TBC1D15: variants seen among roughly 807,000 people sequenced by gnomAD.
TBC1D15 encodes the protein GAP for RAB7.
TBC1D15 carries 39 observed loss-of-function variants against 95.4 expected under a neutral mutation model. That is an observed-to-expected ratio of 0.41 (90% confidence interval 0.32 to 0.53). TBC1D15 has a LOEUF of 0.53. Ranked by LOEUF, TBC1D15 falls within the 20% of genes least tolerant of loss-of-function variation. The pLI, the probability that TBC1D15 is intolerant of heterozygous loss-of-function variation, is 0.29. For synonymous variants in TBC1D15, 258 were observed against 261.3 expected, an observed-to-expected ratio of 0.99 and a Z score of 0.12; for missense variants, 733 against 794.3, an observed-to-expected ratio of 0.92 and a Z score of 0.93.
At chr12:71,853,157 A>G (rs563258555) in intron 1 of TBC1D15, among the ~76,000 whole-genome samples, 5 of 152,286 alleles carry the variant, frequency 3.3e-5, no homozygotes, top group East Asian at 3.9e-4. Context: ...GAAACTTACA[A>G]TCATGGCGGA....
chr12:71,847,057 C>A (rs10160863), intron 1 of TBC1D15, among the ~76,000 whole-genome samples: 16,658 of 152,056 alleles, frequency 0.11, 1,080 homozygotes, highest in African/African-American at 0.16. Flanking sequence ...TGTACCTGGC[C>A]TATACAGCTA....
intron 10 of TBC1D15, among the ~76,000 whole-genome samples, chr12:71,902,217 A>T (rs762013899): frequency 6.6e-6 from 1 of 152,220 alleles, no homozygotes; most frequent in African/African-American, 2.4e-5. Flanking sequence ...GACATTTTTC[A>T]CAGAATTAGA....
chr12:71,918,313 A>G (rs1410178416), intron 13 of TBC1D15, 138 bp from the exon 14 acceptor site: 13 of 528,274 alleles, frequency 2.5e-5, no homozygotes, highest in Non-Finnish European at 4.4e-5. Context: ...CAAGTTTGAA[A>G]TGATTCCTTA....
At chr12:71,861,629 C>G (rs1242763676) in intron 1 of TBC1D15, 3 of 612,438 alleles carry the variant, frequency 4.9e-6, no homozygotes, top group South Asian at 9.7e-5. Flanking sequence ...TCAATTTTGG[C>G]TGCCTTTAAC....
At position 71,884,792 on chromosome 12, in the gene TBC1D15, C is replaced by T. The variant is rs769021270; in HGVS notation, c.344-19C>T. 2.5e-6 allele frequency: 4 copies of T among 1,612,814 alleles called. No homozygotes were observed. In the African/African-American group the frequency reaches 4.0e-5, roughly 16 times the overall value. On this transcript the variant is annotated intron_variant, in intron 4 of 16. Transcript: ENST00000485960. ...AAAAGGTGAACAAAAATATTTTGCC[C>T]CACTTTCTTGTTTTTAAGATGCTCC...
chr12:71,920,479 A>C (rs1406335032), intron 14 of TBC1D15, among the ~76,000 whole-genome samples: 2 of 152,094 alleles, frequency 1.3e-5, no homozygotes, highest in African/African-American at 4.8e-5. Flanking sequence ...AGGCTCAGTA[A>C]TTTACTTACT....
chr12:71,888,468 TAAA>T (rs201406866), intron 5 of TBC1D15, among the ~76,000 whole-genome samples: 2 of 123,430 alleles, frequency 1.6e-5, no homozygotes, highest in South Asian at 2.6e-4. Flanking sequence ...AGACTTTACC[TAAA>T]AAAAAAAAAA....
At chr12:71,920,313 A>T (rs955973765) in intron 14 of TBC1D15, among the ~76,000 whole-genome samples, 2 of 152,140 alleles carry the variant, frequency 1.3e-5, no homozygotes, top group South Asian at 2.1e-4. Flanking sequence ...GTACTGTGTA[A>T]CTGAACCTTT....
chr12:71,889,488 C>T (rs1896847261), intron 5 of TBC1D15, among the ~76,000 whole-genome samples: 1 of 152,144 alleles, frequency 6.6e-6, no homozygotes, highest in South Asian at 2.1e-4. Context: ...ATATATTATG[C>T]CATGTAGCTC....
intron 5 of TBC1D15, among the ~76,000 whole-genome samples, chr12:71,890,323 G>A (rs1207961107): frequency 6.6e-6 from 1 of 152,134 alleles, no homozygotes; most frequent in Non-Finnish European, 1.5e-5. Flanking sequence ...GATTGTTTTA[G>A]AGACCACAAA....
chr12:71,856,621 C>T (rs1223348810), intron 1 of TBC1D15, among the ~76,000 whole-genome samples: 2 of 150,734 alleles, frequency 1.3e-5, no homozygotes, highest in African/African-American at 4.9e-5. Flanking sequence ...CCTGTGAGCT[C>T]TTCATTTTCT....
chr12:71,851,244 A>C (rs549433674), intron 1 of TBC1D15, among the ~76,000 whole-genome samples: 2 of 152,070 alleles, frequency 1.3e-5, no homozygotes, highest in African/African-American at 4.8e-5. Flanking sequence ...AGAACTCACT[A>C]TTGTGATGAC....
At chr12:71,862,290 A>G (rs944024344) in intron 1 of TBC1D15, among the ~76,000 whole-genome samples, 5 of 152,132 alleles carry the variant, frequency 3.3e-5, no homozygotes, top group African/African-American at 9.7e-5. Context: ...GAAGTCCCCA[A>G]CTGTTACTGT....
intron 3 of TBC1D15, among the ~76,000 whole-genome samples, chr12:71,876,895 C>T (rs2138393179): frequency 6.6e-6 from 1 of 151,624 alleles, no homozygotes; most frequent in African/African-American, 2.4e-5. Context: ...ACTGCAACCT[C>T]TGCCTCCTGG....
intron 11 of TBC1D15, among the ~76,000 whole-genome samples, chr12:71,913,082 C>T (rs1005054131): frequency 6.6e-6 from 1 of 151,956 alleles, no homozygotes; most frequent in Non-Finnish European, 1.5e-5. Context: ...TAATCAAGGG[C>T]TCTATTACTG....
At chr12:71,869,489 C>T (rs1164848288) in intron 1 of TBC1D15, among the ~76,000 whole-genome samples, 1 of 152,164 alleles carries the variant, frequency 6.6e-6, no homozygotes, top group Non-Finnish European at 1.5e-5. Context: ...TGCCACTGCA[C>T]TCCAGCCTGG....
chr12:71,902,660 C>T (rs983927804), intron 10 of TBC1D15, among the ~76,000 whole-genome samples: 12 of 152,042 alleles, frequency 7.9e-5, no homozygotes, highest in Non-Finnish European at 1.3e-4. Flanking sequence ...TTGAGGATAT[C>T]GACCCAGGCA....
intron 11 of TBC1D15, among the ~76,000 whole-genome samples, chr12:71,911,740 T>A (rs904843136): frequency 1.3e-5 from 2 of 151,894 alleles, no homozygotes; most frequent in East Asian, 1.9e-4. Flanking sequence ...AACCTGCACA[T>A]TGTGCACATG....
At chr12:71,856,312 A>G (rs924980966) in intron 1 of TBC1D15, among the ~76,000 whole-genome samples, 2 of 152,160 alleles carry the variant, frequency 1.3e-5, no homozygotes, top group Admixed American at 1.3e-4. Context: ...TGATTAGGCT[A>G]TTCCGTTTTT....
Sources: gnomAD v4.1 joint callset for allele counts (sites outside exome capture counted in the v4.1 genomes callset) on GRCh38, gnomAD v4.1.1 for gene constraint, MANE v1.5 for transcripts, NCBI Gene and HGNC (gene_info 2026-07-23, HGNC 2026-07-21) for gene names.